The following IL17RD variants were observed in gnomAD, a reference collection of about 807,000 sequenced individuals.
IL17RD encodes the protein interleukin 17 receptor D.
IL17RD carries 52 observed loss-of-function variants against 80.5 expected under a neutral mutation model. The ratio of observed to expected loss-of-function variants is 0.65; its 90% CI spans 0.52 to 0.81. The LOEUF (loss-of-function observed/expected upper bound fraction) is 0.81. Among genes scored for constraint, IL17RD ranks in the 40% least tolerant of loss-of-function variants. The probability of loss-of-function intolerance (pLI) is 0.00; values close to 1 mark genes in which losing one functional copy is unlikely to be tolerated. For synonymous variants in IL17RD, 416 were observed against 391.8 expected, an observed-to-expected ratio of 1.06 and a Z score of -0.73; for missense variants, 1,024 against 955.1, an observed-to-expected ratio of 1.07 and a Z score of -0.95.
chr3:57,155,699 T>A (rs1310821236), intron 1 of IL17RD, among the ~76,000 whole-genome samples: 2 of 152,200 alleles, frequency 1.3e-5, no homozygotes, highest in Non-Finnish European at 2.9e-5. Context: ...CAAGTGATTC[T>A]CCAGCCTCAG....
intron 1 of IL17RD, among the ~76,000 whole-genome samples, chr3:57,121,845 C>T (rs1175932725): frequency 1.3e-5 from 2 of 152,134 alleles, no homozygotes; most frequent in Non-Finnish European, 2.9e-5. Flanking sequence ...GCCCAAGATC[C>T]CCAAATCACA....
chr3:57,118,182 A>C (rs1707258764), intron 2 of IL17RD, among the ~76,000 whole-genome samples: 1 of 152,262 alleles, frequency 6.6e-6, no homozygotes, highest in Non-Finnish European at 1.5e-5. Flanking sequence ...CCACGTCTTT[A>C]CTTAGCTGAA....
chr3:57,167,369 T>C (rs1220741158), upstream of IL17RD, among the ~76,000 whole-genome samples: 1 of 152,132 alleles, frequency 6.6e-6, no homozygotes, highest in African/African-American at 2.4e-5. Context: ...GAGGAGCTGC[T>C]GGTTCAGTGC....
chr3:57,156,448 C>T (rs1266530755), intron 1 of IL17RD, among the ~76,000 whole-genome samples: 1 of 152,034 alleles, frequency 6.6e-6, no homozygotes, highest in African/African-American at 2.4e-5. Context: ...GCCTGTAGTC[C>T]CAGCTACTCG....
chr3:57,117,757 T>C (rs1215120218), intron 2 of IL17RD, among the ~76,000 whole-genome samples: 1 of 152,222 alleles, frequency 6.6e-6, no homozygotes, highest in African/African-American at 2.4e-5. Flanking sequence ...GAATAAGTTT[T>C]TCTACACAGC....
chr3:57,136,347 G>A (rs1707724576), intron 1 of IL17RD, among the ~76,000 whole-genome samples: 1 of 152,138 alleles, frequency 6.6e-6, no homozygotes, highest in South Asian at 2.1e-4. Context: ...CTCAAAAACA[G>A]CCTGGCCAGG....
chr3:57,164,971 G>T, intron 1 of IL17RD, 190 bp downstream of exon 1: 1 of 1,321,596 alleles, frequency 7.6e-7, no homozygotes, highest in Non-Finnish European at 9.6e-7. Flanking sequence ...CTTTCATCTC[G>T]GCCAGGGCCG....
At chr3:57,142,521 C>A (rs750654507) in intron 1 of IL17RD, 3 of 1,287,508 alleles carry the variant, frequency 2.3e-6, no homozygotes, top group South Asian at 2.5e-5. Flanking sequence ...CCCCCTCCAA[C>A]CGCCCCGTCT....
rs138438457 is a variant in IL17RD at position 57,100,940 on chromosome 3, CAAAGCTTT to C, written c.1164+231_1164+238del. Among the ~76,000 whole-genome samples the C allele has an allele frequency of 8.9e-3, 1,349 of 152,280 alleles. 23 individuals are homozygous for C. The highest frequency in any genetic ancestry group is 0.031 in the African/African-American group (1,279 of 41,566). ...AACTTCCTGCCAGGTGGGTGCCACT[CAAAGCTTT>C]AGAGCAGGAGTTTGTCAGAGTTAGA... On this transcript the variant is annotated intron_variant, in intron 11 of 12. Transcript: ENST00000296318.
At position 57,127,277 on chromosome 3, in the gene IL17RD, T is replaced by A. The variant is rs1453488789; in HGVS notation, c.127-6964A>T. ...AAATATATATAAATATATATAAAAA[T>A]ATATATAAATATATATAAATATATA... On this transcript the variant is annotated intron_variant, in intron 1 of 12. Coordinates refer to ENST00000296318, the MANE Select transcript of IL17RD (RefSeq NM_017563.5). Among the ~76,000 whole-genome samples, 23 of 77,492 alleles carry A rather than the reference T, an allele frequency of 3.0e-4. 3 individuals carry two copies. The highest frequency in any genetic ancestry group is 4.8e-4 in the Non-Finnish European group (21 of 43,644). The allele number at this position is 77,492 out of a possible 152,430, so 50.8% of individuals were successfully genotyped here. A position where few individuals can be genotyped will look rare whatever the true frequency, so the allele number is the denominator to read the frequency against.
At position 57,101,331 on chromosome 3, in the gene IL17RD, A is replaced by G. The variant is rs1706824467; in HGVS notation, c.1012T>C (p.Ser338Pro). 2 of 1,611,558 alleles carry G rather than the reference A, an allele frequency of 1.2e-6. No individual in the cohort carries two copies. The highest frequency in any genetic ancestry group is 1.7e-6 in the Non-Finnish European group (2 of 1,178,268). The change falls in exon 11 of 13, where the codon TCT becomes CCT. Residue 338 changes from serine to proline, a missense_variant. By Grantham distance (74) the Ser-to-Pro change is moderately conservative. Coordinates refer to ENST00000296318, the MANE Select transcript of IL17RD (RefSeq NM_017563.5). ...NIYSHLDEES[S>P]ESSTYTAALP... is the part of the protein sequence containing the mutation. ...GCTGCAGTGTATGTGGAAGACTCAG[A>G]GCTCTCTTCATCTAAATGTGAATAT...
rs1263061107 is a variant in IL17RD, at chr3:57,154,279, T to C, written c.126+10882A>G. ...AAAAAATTATATATATATATATATA[T>C]ATATACACACACACACACACACATA... On this transcript the variant is annotated intron_variant, in intron 1 of 12. Coordinates refer to ENST00000296318, the MANE Select transcript of IL17RD (RefSeq NM_017563.5). Among the ~76,000 whole-genome samples, 442 of 126,254 alleles carry C rather than the reference T, an allele frequency of 3.5e-3. 5 individuals carry two copies. Among genetic ancestry groups the C allele is most frequent in the Middle Eastern group, 0.02 (5 of 250 alleles). 82.8% of individuals were successfully genotyped at this position (126,254 alleles called of 152,430 possible). A position where few individuals can be genotyped will look rare whatever the true frequency, so the allele number is the denominator to read the frequency against.
chr3:57,154,283 T>TATATATATATATATAC (rs904157398), intron 1 of IL17RD, among the ~76,000 whole-genome samples: 1 of 112,908 alleles, frequency 8.9e-6, no homozygotes, highest in African/African-American at 3.2e-5. Context: ...TATATATATA[T>TATATATATATATATAC]ACACACACAC....
intron 3 of IL17RD, among the ~76,000 whole-genome samples, chr3:57,111,692 C>G (rs571944962): frequency 5.9e-5 from 9 of 152,140 alleles, no homozygotes; most frequent in African/African-American, 2.2e-4. Context: ...TCGTTGGGGC[C>G]GGGCGCGGTG....
At chr3:57,149,373 T>C (rs1708005273) in intron 1 of IL17RD, among the ~76,000 whole-genome samples, 2 of 151,972 alleles carry the variant, frequency 1.3e-5, no homozygotes, top group African/African-American at 4.8e-5. Context: ...TGAGTCTTCA[T>C]CCCAAGGTTC....
chr3:57,158,495 C>G (rs1045128365), intron 1 of IL17RD, among the ~76,000 whole-genome samples: 1 of 152,222 alleles, frequency 6.6e-6, no homozygotes. Flanking sequence ...GTGTTCACAT[C>G]ACATCTTTAT....
At chr3:57,146,073 G>A (rs907129002) in intron 1 of IL17RD, among the ~76,000 whole-genome samples, 4 of 151,974 alleles carry the variant, frequency 2.6e-5, no homozygotes, top group East Asian at 1.9e-4. Context: ...ATGCATGCAC[G>A]TGCACACACA....
At chr3:57,147,620 T>C (rs1184676514) in intron 1 of IL17RD, among the ~76,000 whole-genome samples, 4 of 152,088 alleles carry the variant, frequency 2.6e-5, no homozygotes, top group Non-Finnish European at 4.4e-5. Flanking sequence ...TTTGTAACAG[T>C]AATAACTCGG....
intron 1 of IL17RD, among the ~76,000 whole-genome samples, chr3:57,153,133 T>C (rs2060240489): frequency 6.6e-6 from 1 of 152,224 alleles, no homozygotes; most frequent in South Asian, 2.1e-4. Flanking sequence ...ACAAATGACA[T>C]CCTGCATTTC....
Sources: gnomAD v4.1 joint callset for allele counts (sites outside exome capture counted in the v4.1 genomes callset) on GRCh38, gnomAD v4.1.1 for gene constraint, MANE v1.5 for transcripts, NCBI Gene and HGNC (gene_info 2026-07-23, HGNC 2026-07-21) for gene names.